Variants in ADD2 observed in about 807,000 individuals in gnomAD.
ADD2 encodes adducin 2, also known as beta-adducin.
ADD2 carries 23 observed loss-of-function variants against 83.0 expected under a neutral mutation model. That is an observed-to-expected ratio of 0.28 (90% CI 0.20 to 0.39). The LOEUF (loss-of-function observed/expected upper bound fraction) is 0.39, where lower values mean the gene tolerates loss of function less well. Among genes scored for constraint, ADD2 ranks in the 10% least tolerant of loss-of-function variants. The pLI, the probability that ADD2 is intolerant of heterozygous loss-of-function variation, is 1.00. For synonymous variants in ADD2, 375 were observed against 375.4 expected, an observed-to-expected ratio of 1.00 and a Z score of 0.01; for missense variants, 758 against 944.9, an observed-to-expected ratio of 0.80 and a Z score of 2.59.
intron 1 of ADD2, among the ~76,000 whole-genome samples, chr2:70,725,088 C>T (rs1314889075): frequency 6.6e-6 from 1 of 152,180 alleles, no homozygotes; most frequent in African/African-American, 2.4e-5. Context: ...TTACAAGCTG[C>T]GAGGGTTACC....
intron 15 of ADD2, among the ~76,000 whole-genome samples, chr2:70,667,928 A>G (rs1418841430): frequency 6.6e-6 from 1 of 152,162 alleles, no homozygotes; most frequent in Non-Finnish European, 1.5e-5. Flanking sequence ...CAGGATTAGC[A>G]TTTGAATCAG....
intron 4 of ADD2, among the ~76,000 whole-genome samples, chr2:70,702,819 G>T (rs986362366): frequency 3.9e-5 from 6 of 151,968 alleles, no homozygotes; most frequent in Non-Finnish European, 5.9e-5. Context: ...ATGTAAAAAG[G>T]CAATTTACTA....
chr2:70,717,024 TTC>T (rs1672503389), intron 1 of ADD2, among the ~76,000 whole-genome samples: 1 of 152,128 alleles, frequency 6.6e-6, no homozygotes, highest in South Asian at 2.1e-4. Flanking sequence ...CCCTGCTCTC[TTC>T]TCTGTCTCTC....
chr2:70,759,714 G>A (rs1674984427), intron 1 of ADD2, among the ~76,000 whole-genome samples: 1 of 152,152 alleles, frequency 6.6e-6, no homozygotes, highest in South Asian at 2.1e-4. Flanking sequence ...GAGTGGAAGT[G>A]GCCTGAGGCT....
chr2:70,702,134 G>T (rs1387579046), intron 4 of ADD2, among the ~76,000 whole-genome samples: 1 of 152,070 alleles, frequency 6.6e-6, no homozygotes, highest in Non-Finnish European at 1.5e-5. Flanking sequence ...AAGGTCAATG[G>T]GGGGACTTGA....
In ADD2 at chr2:70,660,383, G is replaced by A. The variant is rs1260060092; in HGVS notation, c.*3042C>T. On this transcript the variant is annotated 3_prime_UTR_variant, in exon 16 of 16. Coordinates refer to ENST00000264436, the MANE Select transcript of ADD2 (RefSeq NM_001617.4). The stretch of plus-strand genomic sequence containing the variant: ...CACTATCTGCTGTAGAGGAAACATC[G>A]TGTAAAGCAGGCCATCAACTATGTT... 1 of 152,236 alleles carries A rather than the reference G, an allele frequency of 6.6e-6. No individual in the cohort carries two copies. The highest frequency in any genetic ancestry group is 6.5e-5 in the Admixed American group (1 of 15,282). 9.4% of individuals were successfully genotyped at this position (152,236 alleles called of 1,614,324 possible). A position where few individuals can be genotyped will look rare whatever the true frequency, so the allele number is the denominator to read the frequency against.
At chr2:70,752,665 A>G (rs1408036352) in intron 1 of ADD2, among the ~76,000 whole-genome samples, 1 of 152,222 alleles carries the variant, frequency 6.6e-6, no homozygotes, top group Non-Finnish European at 1.5e-5. Context: ...AGGAAAATGC[A>G]GAGAGAAATG....
rs551074803 is a variant in ADD2, at chr2:70,661,998, A to G, written c.*1427T>C. The G allele has an allele frequency of 6.6e-6, 1 of 152,330 alleles. No homozygotes were observed. The highest frequency in any genetic ancestry group is 2.1e-4 in the South Asian group (1 of 4,826). The allele number at this position is 152,330 out of a possible 1,614,324, so 9.4% of individuals were successfully genotyped here. On this transcript the variant is annotated 3_prime_UTR_variant, in exon 16 of 16. Transcript: ENST00000264436. ...GATTACTGTGAGGGTTAAAGAATGT[A>G]ATGTATGTGAAGCCTGCACAGTGTC...
chr2:70,761,504 A>G (rs1430487979), intron 1 of ADD2, among the ~76,000 whole-genome samples: 1 of 145,024 alleles, frequency 6.9e-6, no homozygotes, highest in Admixed American at 6.9e-5. Context: ...GCTACTCAGG[A>G]GGCTGAGGCA....
intron 1 of ADD2, among the ~76,000 whole-genome samples, chr2:70,743,189 T>C (rs1674011058): frequency 6.6e-6 from 1 of 152,204 alleles, no homozygotes; most frequent in Non-Finnish European, 1.5e-5. Context: ...AAAATTATCA[T>C]TGAACATCTC....
chr2:70,759,027 G>A (rs1005158137), intron 1 of ADD2, among the ~76,000 whole-genome samples: 13 of 152,204 alleles, frequency 8.5e-5, no homozygotes, highest in Admixed American at 2.6e-4. Flanking sequence ...AATTCAGGGA[G>A]CCATGGGGAT....
intron 4 of ADD2, among the ~76,000 whole-genome samples, chr2:70,702,276 C>T (rs1445286227): frequency 1.3e-5 from 2 of 152,168 alleles, no homozygotes; most frequent in African/African-American, 4.8e-5. Context: ...AAACAATTCT[C>T]CCACCTCAGC....
intron 1 of ADD2, among the ~76,000 whole-genome samples, chr2:70,746,583 G>T (rs1574316943): frequency 6.6e-6 from 1 of 152,180 alleles, no homozygotes; most frequent in South Asian, 2.1e-4. Context: ...GGGCAATTAG[G>T]ATTCTAACTC....
chr2:70,740,670 G>A (rs1398664673), intron 1 of ADD2, among the ~76,000 whole-genome samples: 1 of 151,882 alleles, frequency 6.6e-6, no homozygotes, highest in Non-Finnish European at 1.5e-5. Flanking sequence ...GTTTTTGTGT[G>A]TGTGTCTAAG....
At chr2:70,712,221 A>G (rs1672214875) in intron 2 of ADD2, among the ~76,000 whole-genome samples, 2 of 152,208 alleles carry the variant, frequency 1.3e-5, no homozygotes, top group East Asian at 1.9e-4. Flanking sequence ...AGGCGGATGG[A>G]TCACCTGAAG....
intron 9 of ADD2, among the ~76,000 whole-genome samples, chr2:70,684,604 T>G (rs1167564563): frequency 1.3e-5 from 2 of 152,194 alleles, no homozygotes; most frequent in African/African-American, 4.8e-5. Flanking sequence ...CCCAAGCCAA[T>G]GAAATTTATT....
chr2:70,702,266 A>G (rs1553373583), intron 4 of ADD2, among the ~76,000 whole-genome samples: 1 of 152,196 alleles, frequency 6.6e-6, no homozygotes, highest in Non-Finnish European at 1.5e-5. Flanking sequence ...TCTAGGGTTC[A>G]AACAATTCTC....
Position 70,726,186 on chromosome 2 carries a change from C to CAAAAAAAA in ADD2, c.-153-13010_-153-13003dup, listed in dbSNP as rs34333514. ...TGGGCGACAGAGCGAGACTCCATCT[C>CAAAAAAAA]AAAAAAAAAAAAAAAAAAAAAAAAA... is the stretch of plus-strand genomic sequence containing the variant. On this transcript the variant is annotated intron_variant, in intron 1 of 15. Coordinates refer to ENST00000264436, the MANE Select transcript of ADD2 (RefSeq NM_001617.4). 8.4e-3 allele frequency among the ~76,000 whole-genome samples: 381 copies of CAAAAAAAA among 45,462 alleles called. 26 individuals carry two copies. Among genetic ancestry groups the CAAAAAAAA allele is most frequent in the Admixed American group, 0.018 (54 of 2,936 alleles). The allele number at this position is 45,462 out of a possible 152,430, so 29.8% of individuals were successfully genotyped here.
intron 13 of ADD2, chr2:70,675,449 C>T (rs1390745236): frequency 2.6e-5 from 26 of 985,354 alleles, no homozygotes; most frequent in Non-Finnish European, 3.0e-5. Flanking sequence ...GGCAAAATCA[C>T]TGGGTTTTGC....
Sources: allele counts gnomAD v4.1 joint callset (sites outside exome capture counted in the v4.1 genomes callset), GRCh38; gene constraint gnomAD v4.1.1; transcripts MANE v1.5; gene names NCBI Gene and HGNC (gene_info 2026-07-23, HGNC 2026-07-21).